Variants in PRELID2 observed in about 807,000 individuals in gnomAD.
PRELID2 encodes the protein PRELI domain containing 2.
Under a neutral mutation model 28.4 loss-of-function variants are expected in PRELID2, and 25 were observed. The ratio of observed to expected loss-of-function variants is 0.88; its 90% CI spans 0.64 to 1.23. PRELID2 has a LOEUF of 1.23. Among genes scored for constraint, PRELID2 ranks in the 50% most tolerant of loss-of-function variants. The pLI, the probability that PRELID2 is intolerant of heterozygous loss-of-function variation, is 0.00. For missense variants in PRELID2, 201 were observed against 214.4 expected, an observed-to-expected ratio of 0.94 and a Z score of 0.39; for synonymous variants, 76 against 71.6, an observed-to-expected ratio of 1.06 and a Z score of -0.31.
At chr5:145,832,544 G>C (rs943460302) in intron 1 of PRELID2, among the ~76,000 whole-genome samples, 1 of 152,154 alleles carries the variant, frequency 6.6e-6, no homozygotes, top group Non-Finnish European at 1.5e-5. Flanking sequence ...CCTATTATAT[G>C]CAATGCAGCA....
At chr5:145,621,650 G>A (rs897741561) in intron 1 of PRELID2, among the ~76,000 whole-genome samples, 2 of 152,172 alleles carry the variant, frequency 1.3e-5, no homozygotes, top group East Asian at 1.9e-4. Context: ...ATGAGATCCT[G>A]GAAGAAGACA....
In PRELID2 at chr5:145,692,325, T is replaced by C. The variant is rs928219178; in HGVS notation, n.70+72606A>G. ...GACAGGAAAGGTTTATATGTATTTTTGTCCAGCCAATTCTACAAGCTTATG... is the reference window on the plus strand; with the variant it reads ...GACAGGAAAGGTTTATATGTATTTTCGTCCAGCCAATTCTACAAGCTTATG... On this transcript the variant is annotated intron_variant and non_coding_transcript_variant, in intron 1 of 2. Transcript: ENST00000510259. 5.3e-4 allele frequency among the ~76,000 whole-genome samples: 81 copies of C among 152,262 alleles called. 1 individual carries two copies. The highest frequency in any genetic ancestry group is 1.9e-3 in the African/African-American group (80 of 41,528).
intron 1 of PRELID2, among the ~76,000 whole-genome samples, chr5:145,549,802 G>GA (rs34956308): frequency 5.9e-4 from 75 of 126,808 alleles, no homozygotes; most frequent in African/African-American, 8.2e-4. Context: ...CTCAAAAAAA[G>GA]AAAAAAAAAA....
chr5:145,729,675 G>A (rs771400890), intron 1 of PRELID2, among the ~76,000 whole-genome samples: 13 of 152,160 alleles, frequency 8.5e-5, no homozygotes, highest in East Asian at 3.8e-4. Flanking sequence ...TTGACGATGC[G>A]TCCTCTGCTT....
chr5:145,308,585 G>C, the PRELID2 span, among the ~76,000 whole-genome samples: 1 of 151,454 alleles, frequency 6.6e-6, no homozygotes, highest in Admixed American at 6.6e-5. Flanking sequence ...CTGTGGACAC[G>C]TAGGTGCAGA....
At position 145,820,116 on chromosome 5, in the gene PRELID2, GTTTTTTGTT is replaced by G. The variant is rs926888343; in HGVS notation, c.134-107_134-99del. The G allele has an allele frequency of 2.0e-5, 11 of 540,772 alleles. No homozygotes were observed. In the African/African-American group the frequency reaches 3.4e-4, roughly 17 times the overall value. The allele number at this position is 540,772 out of a possible 1,614,324, so 33.5% of individuals were successfully genotyped here. On this transcript the variant is annotated intron_variant, in intron 2 of 6. Transcript: ENST00000683046. ...CGGGGGTGGGGTTTTTTTGTTTTTT[GTTTTTTGTT>G]TTTTTTTTTTGAGACACCCAGGCTG...
At chr5:145,713,245 A>T (rs1755743342) in intron 1 of PRELID2, among the ~76,000 whole-genome samples, 1 of 151,152 alleles carries the variant, frequency 6.6e-6, no homozygotes, top group Non-Finnish European at 1.5e-5. Flanking sequence ...TTATAGTTAA[A>T]CTACTAAAAG....
chr5:145,762,295 C>A (rs1265151712), intron 6 of PRELID2, among the ~76,000 whole-genome samples: 1 of 152,134 alleles, frequency 6.6e-6, no homozygotes, highest in African/African-American at 2.4e-5. Context: ...GCTTAGCCCT[C>A]AACCACAGGA....
chr5:145,541,902 A>T (rs1752748033), intron 1 of PRELID2, among the ~76,000 whole-genome samples: 1 of 152,086 alleles, frequency 6.6e-6, no homozygotes, highest in African/African-American at 2.4e-5. Flanking sequence ...CAAAAATTTT[A>T]AATTATATGT....
chr5:145,739,415 G>A (rs551696449), intron 1 of PRELID2, among the ~76,000 whole-genome samples: 16 of 152,254 alleles, frequency 1.1e-4, no homozygotes, highest in African/African-American at 3.6e-4. Context: ...TAAGGCAGGA[G>A]AAGCGCTTGA....
At chr5:145,372,825 C>T in the PRELID2 span, among the ~76,000 whole-genome samples, 1 of 145,662 alleles carries the variant, frequency 6.9e-6, no homozygotes, top group Non-Finnish European at 1.5e-5. Context: ...TTAATTGGGG[C>T]ATTCAGCTCA....
At chr5:145,830,653 A>G (rs1167147236) in intron 1 of PRELID2, among the ~76,000 whole-genome samples, 1 of 152,270 alleles carries the variant, frequency 6.6e-6, no homozygotes, top group African/African-American at 2.4e-5. Context: ...CTTGGAAAGT[A>G]CATACAGTTC....
At chr5:145,381,749 G>T in the PRELID2 span, 1 of 152,126 alleles carries the variant, frequency 6.6e-6, no homozygotes, top group Admixed American at 6.6e-5. Flanking sequence ...TCTTATAAAA[G>T]TAAGATAAGA....
chr5:145,682,777 C>T (rs773795555), intron 1 of PRELID2, among the ~76,000 whole-genome samples: 11 of 152,110 alleles, frequency 7.2e-5, no homozygotes, highest in Non-Finnish European at 1.3e-4. Flanking sequence ...AGCCCAGCAG[C>T]GGTTCCTGTT....
the PRELID2 span, among the ~76,000 whole-genome samples, chr5:145,331,279 G>A: frequency 2.0e-5 from 3 of 152,222 alleles, no homozygotes; most frequent in South Asian, 6.2e-4. Flanking sequence ...TTCTGTAGAT[G>A]TCTATTAGGT....
intron 1 of PRELID2, among the ~76,000 whole-genome samples, chr5:145,600,434 A>AAAATATATAT (rs1315631607): frequency 8.4e-4 from 101 of 120,076 alleles, no homozygotes; most frequent in African/African-American, 4.1e-3. Context: ...AAAAAAAAAA[A>AAAATATATAT]ATATATATAT....
intron 1 of PRELID2, among the ~76,000 whole-genome samples, chr5:145,476,918 G>A (rs1488203867): frequency 6.6e-6 from 1 of 152,096 alleles, no homozygotes; most frequent in Non-Finnish European, 1.5e-5. Flanking sequence ...AATAAACATT[G>A]AATAAAATGA....
At chr5:145,530,873 G>C (rs186201414) in intron 1 of PRELID2, among the ~76,000 whole-genome samples, 151 of 152,198 alleles carry the variant, frequency 9.9e-4, no homozygotes, top group Middle Eastern at 3.4e-3. Flanking sequence ...CATGTAAGTA[G>C]GCCGCTAATA....
At chr5:145,783,977 A>G (rs550188525) in intron 5 of PRELID2, among the ~76,000 whole-genome samples, 1 of 152,284 alleles carries the variant, frequency 6.6e-6, no homozygotes, top group Admixed American at 6.5e-5. Context: ...CCAAGGTAGG[A>G]TATATGAAAG....
Sources: gnomAD v4.1 joint callset for allele counts (sites outside exome capture counted in the v4.1 genomes callset) on GRCh38, gnomAD v4.1.1 for gene constraint, MANE v1.5 for transcripts, NCBI Gene and HGNC (gene_info 2026-07-23, HGNC 2026-07-21) for gene names.